Variants in HMGCLL1 observed in about 807,000 individuals in gnomAD.
HMGCLL1 encodes the protein 3-hydroxymethyl-3-methylglutaryl-CoA lyase, cytoplasmic.
In HMGCLL1, 36 loss-of-function variants were observed where a neutral mutation model predicts 39.1. That is an observed-to-expected ratio of 0.92 (90% confidence interval 0.71 to 1.22). The LOEUF is 1.22. Ranked by LOEUF, HMGCLL1 falls within the 50% of genes most tolerant of loss-of-function variation. The pLI is 0.00. For synonymous variants in HMGCLL1, 149 were observed against 144.0 expected (o/e 1.03, Z -0.25); for missense variants, 451 against 416.5 (o/e 1.08, Z -0.72).
chr6:55,634,272 C>A, the HMGCLL1 span, among the ~76,000 whole-genome samples: 1 of 151,886 alleles, frequency 6.6e-6, no homozygotes, highest in Admixed American at 6.6e-5. Flanking sequence ...TGTGGAGGGG[C>A]ATGGGGAGGA....
the HMGCLL1 span, among the ~76,000 whole-genome samples, chr6:55,617,741 C>T: frequency 1.3e-5 from 2 of 152,004 alleles, no homozygotes; most frequent in East Asian, 3.9e-4. Flanking sequence ...ATGATATATA[C>T]CCTCTGTGCA....
At chr6:55,636,328 A>G in the HMGCLL1 span, among the ~76,000 whole-genome samples, 1 of 152,182 alleles carries the variant, frequency 6.6e-6, no homozygotes, top group Admixed American at 6.6e-5. Context: ...GTAAAGATCA[A>G]GATGGAACAT....
intron 7 of HMGCLL1, among the ~76,000 whole-genome samples, chr6:55,477,226 TA>T (rs1765382748): frequency 4.4e-5 from 1 of 22,646 alleles, no homozygotes; most frequent in Non-Finnish European, 6.7e-5. Flanking sequence ...TTATAATATA[TA>T]ATATATATTA....
chr6:55,467,510 C>T (rs1346779609), intron 7 of HMGCLL1, among the ~76,000 whole-genome samples: 1 of 151,976 alleles, frequency 6.6e-6, no homozygotes, highest in Non-Finnish European at 1.5e-5. Context: ...ATTGGCACAC[C>T]TAGAAACAGA....
At chr6:55,661,698 C>A in the HMGCLL1 span, among the ~76,000 whole-genome samples, 1 of 151,772 alleles carries the variant, frequency 6.6e-6, no homozygotes, top group Non-Finnish European at 1.5e-5. Flanking sequence ...TATTTGGACT[C>A]TTTTTGGTTT....
chr6:55,563,954 T>C (rs1771090738), intron 1 of HMGCLL1: 2 of 1,088,384 alleles, frequency 1.8e-6, no homozygotes, highest in Non-Finnish European at 1.2e-6. Context: ...AAACAGGGCA[T>C]TGAAAACTTC....
At chr6:55,499,115 G>C (rs1766735626) in intron 6 of HMGCLL1, 121 bp downstream of exon 6, 2 of 651,514 alleles carry the variant, frequency 3.1e-6, no homozygotes, top group Non-Finnish European at 5.1e-6. Flanking sequence ...ATGTCTTCAG[G>C]GTTCGCCTCT....
the HMGCLL1 span, among the ~76,000 whole-genome samples, chr6:55,629,550 G>A: frequency 6.6e-6 from 1 of 152,108 alleles, no homozygotes; most frequent in South Asian, 2.1e-4. Flanking sequence ...ACAAAGAGCC[G>A]AATGTTAATC....
intron 5 of HMGCLL1, among the ~76,000 whole-genome samples, chr6:55,504,670 A>C (rs905005381): frequency 2.1e-5 from 2 of 96,164 alleles, no homozygotes; most frequent in African/African-American, 7.5e-5. Flanking sequence ...ATTTTTCTTC[A>C]AATTATTTTT....
At chr6:55,625,371 T>C in the HMGCLL1 span, among the ~76,000 whole-genome samples, 8 of 152,120 alleles carry the variant, frequency 5.3e-5, no homozygotes, top group African/African-American at 1.9e-4. Flanking sequence ...CAAAAGTAAG[T>C]TACATGAGGA....
chr6:55,558,158 T>C (rs908299149), intron 1 of HMGCLL1, among the ~76,000 whole-genome samples: 2 of 152,222 alleles, frequency 1.3e-5, no homozygotes, highest in African/African-American at 4.8e-5. Flanking sequence ...AAAACTAACA[T>C]GCAAATTTAT....
chr6:55,667,832 T>A, the HMGCLL1 span, among the ~76,000 whole-genome samples: 4 of 151,958 alleles, frequency 2.6e-5, no homozygotes, highest in South Asian at 8.3e-4. Flanking sequence ...GCATAATAGA[T>A]CACATATTGT....
chr6:55,543,864 C>A (rs1489500332), intron 1 of HMGCLL1, among the ~76,000 whole-genome samples: 1 of 151,708 alleles, frequency 6.6e-6, no homozygotes, highest in Non-Finnish European at 1.5e-5. Flanking sequence ...CGCAATTAGA[C>A]CCTGTCTAAA....
chr6:55,670,783 T>A, the HMGCLL1 span, among the ~76,000 whole-genome samples: 2 of 151,730 alleles, frequency 1.3e-5, no homozygotes, highest in Non-Finnish European at 3.0e-5. Context: ...AAGTAAATAA[T>A]AAAATCACTT....
At chr6:55,477,203 AAT>A (rs1302003031) in intron 7 of HMGCLL1, among the ~76,000 whole-genome samples, 2 of 24,176 alleles carry the variant, frequency 8.3e-5, no homozygotes, top group Non-Finnish European at 1.2e-4. Flanking sequence ...TATATTATAT[AAT>A]ATATATTATA....
intron 8 of HMGCLL1, among the ~76,000 whole-genome samples, chr6:55,436,404 A>G (rs1446893045): frequency 6.6e-6 from 1 of 152,018 alleles, no homozygotes; most frequent in Non-Finnish European, 1.5e-5. Context: ...AGCTCAGGTA[A>G]ATCCATGGAT....
chr6:55,562,032 T>C (rs1770973436), intron 1 of HMGCLL1, among the ~76,000 whole-genome samples: 1 of 152,110 alleles, frequency 6.6e-6, no homozygotes, highest in South Asian at 2.1e-4. Context: ...CAGTGGTTGA[T>C]TTCAACTTCC....
chr6:55,560,420 TTC>T (rs763126703), intron 1 of HMGCLL1, among the ~76,000 whole-genome samples: 2 of 152,212 alleles, frequency 1.3e-5, no homozygotes, highest in Non-Finnish European at 2.9e-5. Flanking sequence ...GAATCTCATG[TTC>T]TGTTTCATGT....
At chr6:55,596,412 A>G in the HMGCLL1 span, among the ~76,000 whole-genome samples, 2 of 152,192 alleles carry the variant, frequency 1.3e-5, no homozygotes, top group South Asian at 4.1e-4. Context: ...CAGGTGTTGA[A>G]ACTTAGACAA....
Sources: allele counts gnomAD v4.1 joint callset (sites outside exome capture counted in the v4.1 genomes callset), GRCh38; gene constraint gnomAD v4.1.1; transcripts MANE v1.5; gene names NCBI Gene and HGNC (gene_info 2026-07-23, HGNC 2026-07-21).